The following ZEB2 variants were observed in gnomAD, a reference collection of about 807,000 sequenced individuals.
The protein encoded by ZEB2 is zinc finger E-box-binding homeobox 2.
A neutral mutation model predicts 99.9 loss-of-function variants in ZEB2; 6 were observed. The ratio of observed to expected loss-of-function variants is 0.06; its 90% CI spans 0.03 to 0.12. ZEB2 has a LOEUF of 0.12. Ranked by LOEUF, ZEB2 falls within the 10% of genes least tolerant of loss-of-function variation. ZEB2 has a pLI of 1.00. For synonymous variants in ZEB2, 517 were observed against 542.5 expected, an observed-to-expected ratio of 0.95 and a Z score of 0.65; for missense variants, 969 against 1,502.8, an observed-to-expected ratio of 0.64 and a Z score of 5.87.
chr2:144,450,149 A>G (rs946781858), intron 2 of ZEB2: 4 of 150,746 alleles, frequency 2.7e-5, no homozygotes, highest in African/African-American at 9.8e-5. Flanking sequence ...AAATTGTATT[A>G]ATTCCAGGTA....
At chr2:144,414,996 CT>C (rs1389096996) in intron 4 of ZEB2, among the ~76,000 whole-genome samples, 2 of 137,396 alleles carry the variant, frequency 1.5e-5, no homozygotes, top group Admixed American at 7.2e-5. Flanking sequence ...AAAATTTTTA[CT>C]TTTTTTCTTT....
At chr2:144,507,633 A>C (rs1380373305) in intron 2 of ZEB2, among the ~76,000 whole-genome samples, 1 of 152,186 alleles carries the variant, frequency 6.6e-6, no homozygotes, top group African/African-American at 2.4e-5. Flanking sequence ...AACCCATATT[A>C]ATTTCTAACC....
intron 4 of ZEB2, among the ~76,000 whole-genome samples, chr2:144,418,429 C>T (rs1703572407): frequency 6.6e-6 from 1 of 152,144 alleles, no homozygotes; most frequent in Non-Finnish European, 1.5e-5. Context: ...TGGCTCATGC[C>T]TGTAATCCCA....
intron 2 of ZEB2, chr2:144,463,696 G>C (rs1035509305): frequency 1.3e-5 from 2 of 152,034 alleles, no homozygotes; most frequent in Non-Finnish European, 2.9e-5. Context: ...ATCTGGGCAT[G>C]GTGGTGCATG....
chr2:144,424,471 T>C (rs767263703), intron 4 of ZEB2: 1 of 539,848 alleles, frequency 1.9e-6, no homozygotes, highest in Admixed American at 2.1e-5. Context: ...CATATCCTAA[T>C]TTTAAAATAA....
In ZEB2 at chr2:144,491,369, A is replaced by C. The variant is rs191373156; in HGVS notation, c.73+25909T>G. Among the ~76,000 whole-genome samples, 114 of 152,186 alleles carry C rather than the reference A, an allele frequency of 7.5e-4. 1 individual carries two copies. The East Asian group carries it at 0.013, about 17-fold the overall frequency. On this transcript the variant is annotated intron_variant, in intron 2 of 9. Coordinates refer to ENST00000627532, the MANE Select transcript of ZEB2 (RefSeq NM_014795.4). ...TTTCTTCTCAAGAGAAAAAAAAAAA[A>C]AAAAACGACCTAATACTGTTAATGA...
chr2:144,465,109 C>T (rs576187645), intron 2 of ZEB2, among the ~76,000 whole-genome samples: 2 of 152,232 alleles, frequency 1.3e-5, no homozygotes, highest in African/African-American at 4.8e-5. Context: ...AAATCTTTAC[C>T]CCGTTTGTAG....
chr2:144,451,043 G>A (rs192394518), intron 2 of ZEB2, among the ~76,000 whole-genome samples: 98 of 152,262 alleles, frequency 6.4e-4, no homozygotes, highest in African/African-American at 2.2e-3. Context: ...GAGTGGACAA[G>A]TGATTTTAGA....
chr2:144,500,663 C>G (rs533580689), intron 2 of ZEB2, among the ~76,000 whole-genome samples: 1 of 152,132 alleles, frequency 6.6e-6, no homozygotes. Flanking sequence ...AAACAATGGG[C>G]TTTCCAATTC....
chr2:144,518,095 C>T (rs1450727609), intron 1 of ZEB2: 1 of 142,874 alleles, frequency 7.0e-6, no homozygotes, highest in Non-Finnish European at 1.5e-5. Context: ...CACCCCCCCT[C>T]GCCACTTTGA....
intron 2 of ZEB2, among the ~76,000 whole-genome samples, chr2:144,467,188 T>A (rs940829813): frequency 3.3e-5 from 5 of 152,056 alleles, no homozygotes; most frequent in African/African-American, 1.2e-4. Context: ...TGTCTTTGAA[T>A]TGTGGTAAAA....
chr2:144,385,034 A>G lies in ZEB2; in HGVS notation c.*4417T>C, dbSNP rs903047582. On this transcript the variant is annotated 3_prime_UTR_variant, in exon 10 of 10. Coordinates refer to ENST00000627532, the MANE Select transcript of ZEB2 (RefSeq NM_014795.4). ...TATATGTCATAATATTTATTAATATATAGAATGATCAGATGAGTCACCTGT... is the reference window on the plus strand; with the variant it reads ...TATATGTCATAATATTTATTAATATGTAGAATGATCAGATGAGTCACCTGT... 6.6e-5 allele frequency: 10 copies of G among 152,202 alleles called. No individual in the cohort carries two copies. Among genetic ancestry groups the G allele is most frequent in the African/African-American group, 2.2e-4 (9 of 41,458 alleles). 9.4% of individuals were successfully genotyped at this position (152,202 alleles called of 1,614,324 possible). A position where few individuals can be genotyped will look rare whatever the true frequency, so the allele number is the denominator to read the frequency against.
At chr2:144,476,150 C>CT (rs994513302) in intron 2 of ZEB2, among the ~76,000 whole-genome samples, 61 of 150,072 alleles carry the variant, frequency 4.1e-4, no homozygotes, top group Non-Finnish European at 7.0e-4. Flanking sequence ...TACTACTTAT[C>CT]TTTTTTTTTT....
chr2:144,487,207 C>G (rs2149917221), intron 2 of ZEB2, among the ~76,000 whole-genome samples: 1 of 151,806 alleles, frequency 6.6e-6, no homozygotes, highest in South Asian at 2.1e-4. Context: ...CTCATGTGAA[C>G]TTAAGTTTTG....
intron 1 of ZEB2, chr2:144,518,263 G>C (rs969983015): frequency 1.1e-4 from 17 of 151,698 alleles, no homozygotes; most frequent in African/African-American, 4.1e-4. Flanking sequence ...CTAAATGATC[G>C]TATCCTTTCT....
chr2:144,467,042 A>T (rs1028655278), intron 2 of ZEB2, among the ~76,000 whole-genome samples: 9 of 152,162 alleles, frequency 5.9e-5, no homozygotes, highest in Non-Finnish European at 7.4e-5. Context: ...CAAGACTGAC[A>T]TAAGGAATGG....
At chr2:144,479,400 G>A (rs193219315) in intron 2 of ZEB2, among the ~76,000 whole-genome samples, 24 of 152,202 alleles carry the variant, frequency 1.6e-4, no homozygotes, top group African/African-American at 5.1e-4. Context: ...CACCCCTCAC[G>A]GCTGTGTGGA....
intron 2 of ZEB2, chr2:144,511,481 A>G: frequency 7.8e-7 from 1 of 1,277,598 alleles, no homozygotes; most frequent in Non-Finnish European, 1.0e-6. Context: ...AGATAAAAGT[A>G]TTTGGCACAT....
chr2:144,435,966 G>C (rs568921578), intron 2 of ZEB2, among the ~76,000 whole-genome samples: 1 of 149,716 alleles, frequency 6.7e-6, no homozygotes, highest in Non-Finnish European at 1.5e-5. Flanking sequence ...TGTTACCTCC[G>C]TGCTTGGGTG....
Sources: gnomAD v4.1 joint callset for allele counts (sites outside exome capture counted in the v4.1 genomes callset) on GRCh38, gnomAD v4.1.1 for gene constraint, MANE v1.5 for transcripts, NCBI Gene and HGNC (gene_info 2026-07-23, HGNC 2026-07-21) for gene names.